Variants in TENM2 observed in about 807,000 individuals in gnomAD.
TENM2 encodes teneurin-2.
In TENM2, 52 loss-of-function variants were observed where a neutral mutation model predicts 245.2. The observed-to-expected ratio is 0.21, with a 90% confidence interval of 0.17 to 0.27. The LOEUF (loss-of-function observed/expected upper bound fraction) is 0.27, where lower values mean the gene tolerates loss of function less well. Among genes scored for constraint, TENM2 ranks in the 10% least tolerant of loss-of-function variants. TENM2 has a pLI of 1.00. For synonymous variants in TENM2, 1,363 were observed against 1,438.9 expected (o/e 0.95, Z 1.19); for missense variants, 3,046 against 3,666.8 (o/e 0.83, Z 4.37).
chr5:167,096,435 C>T, the TENM2 span, among the ~76,000 whole-genome samples: 8 of 152,188 alleles, frequency 5.3e-5, no homozygotes, highest in Non-Finnish European at 8.8e-5. Context: ...TACCCTTTTA[C>T]GGTGGCCCCG....
chr5:167,756,617 C>A (rs1344582883), intron 2 of TENM2, among the ~76,000 whole-genome samples: 1 of 152,164 alleles, frequency 6.6e-6, no homozygotes, highest in African/African-American at 2.4e-5. Flanking sequence ...AAGTTAGGAA[C>A]AAGGACATGT....
intron 2 of TENM2, among the ~76,000 whole-genome samples, chr5:167,765,749 A>C (rs1762974742): frequency 5.3e-5 from 8 of 152,208 alleles, no homozygotes; most frequent in Admixed American, 5.2e-4. Context: ...CCGAAGATGC[A>C]CAGAGCCTGT....
intron 9 of TENM2, among the ~76,000 whole-genome samples, chr5:168,104,003 GGTTT>G (rs61381928): frequency 0.31 from 46,403 of 149,814 alleles, 7,461 homozygotes; most frequent in Admixed American, 0.46. Context: ...TTTCTTTTCT[GGTTT>G]GTTTGTTTGT....
chr5:167,162,648 C>CAAAAAAAA, the TENM2 span, among the ~76,000 whole-genome samples: 1 of 143,960 alleles, frequency 6.9e-6, no homozygotes, highest in African/African-American at 2.5e-5. Context: ...CAACAAAAAA[C>CAAAAAAAA]AAAAAAAAAA....
intron 2 of TENM2, among the ~76,000 whole-genome samples, chr5:167,552,092 C>T (rs922704934): frequency 6.6e-6 from 1 of 152,166 alleles, no homozygotes; most frequent in African/African-American, 2.4e-5. Context: ...AATCGAAATT[C>T]TCAAGTGTCC....
chr5:167,035,359 G>T, the TENM2 span, among the ~76,000 whole-genome samples: 4 of 152,302 alleles, frequency 2.6e-5, no homozygotes, highest in South Asian at 8.3e-4. Flanking sequence ...GGACTAATAT[G>T]ACCAAATGTG....
chr5:167,363,896 A>G (rs1413559844), intron 1 of TENM2, among the ~76,000 whole-genome samples: 1 of 152,050 alleles, frequency 6.6e-6, no homozygotes, highest in African/African-American at 2.4e-5. Context: ...GAAAAACTAA[A>G]CAACAATTGA....
the TENM2 span, among the ~76,000 whole-genome samples, chr5:167,215,838 T>TA: frequency 6.6e-6 from 1 of 152,246 alleles, no homozygotes; most frequent in African/African-American, 2.4e-5. Context: ...CTTTCCTTGT[T>TA]ACTACTTAAT....
intron 3 of TENM2, among the ~76,000 whole-genome samples, chr5:167,905,324 G>A (rs1776007208): frequency 6.6e-6 from 1 of 152,198 alleles, no homozygotes; most frequent in Non-Finnish European, 1.5e-5. Flanking sequence ...ATTTGGGATA[G>A]ATGGAGTTAC....
At chr5:167,683,875 A>G (rs1423840706) in intron 2 of TENM2, among the ~76,000 whole-genome samples, 1 of 152,186 alleles carries the variant, frequency 6.6e-6, no homozygotes, top group Non-Finnish European at 1.5e-5. Flanking sequence ...AATTGGAAGT[A>G]TTTTTCAGTT....
At chr5:167,237,434 T>C in the TENM2 span, among the ~76,000 whole-genome samples, 2 of 152,222 alleles carry the variant, frequency 1.3e-5, no homozygotes, top group Non-Finnish European at 2.9e-5. Flanking sequence ...GGAGTTGTTA[T>C]TGACTACACA....
chr5:168,095,251 C>G (rs770658343), intron 8 of TENM2, among the ~76,000 whole-genome samples: 13 of 152,238 alleles, frequency 8.5e-5, no homozygotes, highest in Middle Eastern at 3.4e-3. Flanking sequence ...GACCGCTGGT[C>G]TACATGTCCC....
chr5:167,379,432 A>G (rs944584471), intron 2 of TENM2, among the ~76,000 whole-genome samples: 1 of 152,062 alleles, frequency 6.6e-6, no homozygotes, highest in Non-Finnish European at 1.5e-5. Flanking sequence ...CTGCCAACCA[A>G]GTTGCATTCA....
chr5:168,241,609 T>C (rs545794334), intron 25 of TENM2, among the ~76,000 whole-genome samples: 1 of 152,136 alleles, frequency 6.6e-6, no homozygotes, highest in East Asian at 1.9e-4. Context: ...TTCTATCCTC[T>C]CTCTGAGATG....
chr5:167,373,155 C>T (rs1760540584), intron 1 of TENM2, among the ~76,000 whole-genome samples: 1 of 152,180 alleles, frequency 6.6e-6, no homozygotes, highest in African/African-American at 2.4e-5. Flanking sequence ...TAGAATTGGG[C>T]TTGATTCCAT....
the TENM2 span, among the ~76,000 whole-genome samples, chr5:167,245,158 A>C: frequency 6.6e-6 from 1 of 152,108 alleles, no homozygotes; most frequent in African/African-American, 2.4e-5. Flanking sequence ...CTTTTGTCTT[A>C]ATTTGAAAAC....
intron 6 of TENM2, 91 bp from the exon 9 acceptor site, chr5:168,061,969 A>G: frequency 1.8e-6 from 2 of 1,114,256 alleles, no homozygotes; most frequent in Non-Finnish European, 2.5e-6. Context: ...AAACAACAAC[A>G]AAAAAAAACC....
At chr5:168,095,209 T>C (rs1304093943) in intron 8 of TENM2, among the ~76,000 whole-genome samples, 1 of 152,132 alleles carries the variant, frequency 6.6e-6, no homozygotes, top group Non-Finnish European at 1.5e-5. Flanking sequence ...TTGTCTTCCA[T>C]GGAACCAGTC....
At chr5:168,183,802 T>C (rs1224641102) in intron 13 of TENM2, among the ~76,000 whole-genome samples, 1 of 138,446 alleles carries the variant, frequency 7.2e-6, no homozygotes, top group African/African-American at 2.6e-5. Context: ...TCTGTATAGG[T>C]AAAAAAAAAA....
Sources: gnomAD v4.1 joint callset for allele counts (sites outside exome capture counted in the v4.1 genomes callset) on GRCh38, gnomAD v4.1.1 for gene constraint, MANE v1.5 for transcripts, NCBI Gene and HGNC (gene_info 2026-07-23, HGNC 2026-07-21) for gene names.